CDC20: variants seen among roughly 807,000 people sequenced by gnomAD.
The protein encoded by CDC20 is cell division cycle 20, also known as cell division cycle protein 20 homolog.
A neutral mutation model predicts 60.0 loss-of-function variants in CDC20; 34 were observed. The observed-to-expected ratio is 0.57, with a 90% CI of 0.43 to 0.75. The LOEUF is 0.75. Ranked by LOEUF, CDC20 falls within the 30% of genes least tolerant of loss-of-function variation. CDC20 has a pLI of 0.00. For synonymous variants in CDC20, 198 were observed against 243.5 expected, an observed-to-expected ratio of 0.81 and a Z score of 1.74; for missense variants, 469 against 647.3, an observed-to-expected ratio of 0.72 and a Z score of 2.99.
In CDC20 at chr1:43,360,560, G is replaced by A; in HGVS notation, c.815G>A (p.Gly272Asp). Residue 272 changes from glycine to aspartate, a missense_variant, in exon 7 of 11, where the codon GGC becomes GAC. By Grantham distance (94) the Gly-to-Asp change is moderately conservative. This residue lies in a region of CDC20 where 255 missense variants were observed against 326.7 expected (regional missense o/e 0.78). Coordinates refer to ENST00000310955, the MANE Select transcript of CDC20 (RefSeq NM_001255.3). ...RNMTSHSARV[G>D]SLSWNSYILS... The stretch of plus-strand genomic sequence containing the variant: ...ATGACCAGTCACTCTGCCCGAGTGG[G>A]CTCCCTAAGCTGGAACAGCTATATC... The A allele has an allele frequency of 6.2e-7, 1 of 1,614,066 alleles. No individual in the cohort carries two copies. Among genetic ancestry groups the A allele is most frequent in the Non-Finnish European group, 8.5e-7 (1 of 1,179,906 alleles).
Position 43,359,299 on chromosome 1 carries a change from G to A in CDC20, c.84G>A (p.Trp28Ter). Reference protein sequence around the residue: ...APIPNAPPARWQRKAKEAAGP... With the variant: ...APIPNAPPAR ...TCCCCAATGCACCCCCTGCGCGCTG[G>A]CAGCGCAAAGCCAAGGAAGCCGCAG... Residue 28 changes from tryptophan to a stop codon, truncating the protein, a stop_gained, in exon 2 of 11, where the codon TGG (tryptophan) becomes TGA (stop). Coordinates refer to ENST00000310955, the MANE Select transcript of CDC20 (RefSeq NM_001255.3). LOFTEE classifies it high-confidence loss of function. 6.2e-7 allele frequency: 1 copy of A among 1,612,546 alleles called. No homozygotes were observed. Among genetic ancestry groups the A allele is most frequent in the Non-Finnish European group, 8.5e-7 (1 of 1,179,920 alleles).
rs1286882456 is a variant in CDC20, at chr1:43,359,591, C to G, written c.283C>G (p.Leu95Val). The part of the protein sequence containing the change: ...AAQMEVASFL[L>V]SKENQPENSQ... ...CCAGATGGAGGTGGCCAGCTTCCTC[C>G]TGAGCAAGGAGAACCAGCCTGAAAA... Residue 95 changes from leucine to valine, a missense_variant, in exon 3 of 11, where the codon CTG (leucine) becomes GTG (valine). This residue lies in a region of CDC20 where 115 missense variants were observed against 156.1 expected (regional missense o/e 0.74). Coordinates refer to ENST00000310955, the MANE Select transcript of CDC20 (RefSeq NM_001255.3). 6.2e-7 allele frequency: 1 copy of G among 1,614,036 alleles called. No individual in the cohort carries two copies. Among genetic ancestry groups the G allele is most frequent in the East Asian group, 2.2e-5 (1 of 44,884 alleles).
rs768042619 is a variant in CDC20 at position 43,360,313 on chromosome 1, G to A, written c.677G>A (p.Gly226Glu). 6.2e-7 allele frequency: 1 copy of A among 1,614,178 alleles called. No individual in the cohort carries two copies. The highest frequency in any genetic ancestry group is 8.5e-7 in the Non-Finnish European group (1 of 1,180,018). ...CAGCTTTTGCAAATGGAGCAGCCTG[G>A]GGAATATATATCCTCTGTGGCCTGG... is the stretch of plus-strand genomic sequence containing the variant. Reference protein sequence around the residue: ...ILQLLQMEQPGEYISSVAWIK... With the variant: ...ILQLLQMEQPEEYISSVAWIK... The change falls in exon 6 of 11, where the codon GGG becomes GAG. Residue 226 changes from glycine to glutamate, a missense_variant. By Grantham distance (98) the Gly-to-Glu change is moderately conservative (BLOSUM62 -2). Transcript: ENST00000310955.
chr1:43,362,133 G>A, intron 9 of CDC20, 62 bp from the exon 10 acceptor site: 6 of 943,308 alleles, frequency 6.4e-6, no homozygotes, highest in Non-Finnish European at 1.0e-5. Flanking sequence ...ACTAGAATGG[G>A]CTCAGTTCTG....
Position 43,363,188 on chromosome 1 carries a change from A to C in CDC20, c.*59A>C. 1 of 1,512,988 alleles carries C rather than the reference A, an allele frequency of 6.6e-7. No homozygotes were observed. The highest frequency in any genetic ancestry group is 9.0e-7 in the Non-Finnish European group (1 of 1,105,200). The allele number at this position is 1,512,988 out of a possible 1,614,324, so 93.7% of individuals were successfully genotyped here. A position where few individuals can be genotyped will look rare whatever the true frequency, so the allele number is the denominator to read the frequency against. On this transcript the variant is annotated 3_prime_UTR_variant, in exon 11 of 11. Transcript: ENST00000310955. ...TTCTAATAAAGTCATGTCTCCCTTCATGTTTTTTTTTTAAATCTGTTTCAG... is the reference window on the plus strand; with the variant it reads ...TTCTAATAAAGTCATGTCTCCCTTCCTGTTTTTTTTTTAAATCTGTTTCAG...
intron 6 of CDC20, 48 bp downstream of exon 6, chr1:43,360,437 C>T: frequency 6.2e-7 from 1 of 1,608,016 alleles, no homozygotes; most frequent in Non-Finnish European, 8.5e-7. Flanking sequence ...AATGGGCTTG[C>T]ACAGCTGGAG....
In CDC20 at chr1:43,360,032, C is replaced by T; in HGVS notation, c.491C>T (p.Thr164Ile). The change falls in exon 5 of 11, where the codon ACC becomes ATC. Residue 164 changes from threonine to isoleucine, a missense_variant. By Grantham distance (89) the Thr-to-Ile change is moderately conservative (BLOSUM62 -1). Coordinates refer to ENST00000310955, the MANE Select transcript of CDC20 (RefSeq NM_001255.3). The stretch of plus-strand genomic sequence containing the variant: ...GCCACTCCTGGCTCCAGCCGGAAGA[C>T]CTGCCGTTACATTCCTTCCCTGCCA... ...QKATPGSSRK[T>I]CRYIPSLPDR... The T allele has an allele frequency of 1.9e-6, 3 of 1,614,196 alleles. No homozygotes were observed. The highest frequency in any genetic ancestry group is 1.7e-6 in the Non-Finnish European group (2 of 1,180,008).
At chr1:43,362,088 A>G in intron 9 of CDC20, 107 bp from the exon 10 acceptor site, 1 of 682,184 alleles carries the variant, frequency 1.5e-6, no homozygotes, top group Non-Finnish European at 2.7e-6. Context: ...TGATCATTCA[A>G]CTCTGAGTCT....
chr1:43,362,935 T>TTC lies in CDC20; in HGVS notation c.1322-13_1322-12dup, dbSNP rs769519135. 1 of 1,577,538 alleles carries TTC rather than the reference T, an allele frequency of 6.3e-7. No individual in the cohort carries two copies. Among genetic ancestry groups the TTC allele is most frequent in the Non-Finnish European group, 8.6e-7 (1 of 1,164,724 alleles). Reference sequence around the variant, plus strand: ...GCTGCATCAGCATTCGTATGTACTGTTCTCATTTGCTCCAGGTCACACATC... The same window carrying TTC: ...GCTGCATCAGCATTCGTATGTACTGTTCTCTCATTTGCTCCAGGTCACACATC... On this transcript the variant is annotated splice_polypyrimidine_tract_variant and intron_variant, in intron 10 of 10. Coordinates refer to ENST00000310955, the MANE Select transcript of CDC20 (RefSeq NM_001255.3).
chr1:43,359,901 CCTAT>C, intron 4 of CDC20, 64 bp from the exon 5 acceptor site: 1 of 1,610,284 alleles, frequency 6.2e-7, no homozygotes, highest in Admixed American at 1.7e-5. Context: ...GTCTCCTCTT[CCTAT>C]CTAAGATTGA....
rs761850704 is a variant in CDC20, at chr1:43,359,288, C to G, written c.73C>G (p.Pro25Ala). Reference sequence around the variant, plus strand: ...GGATGCACCCATCCCCAATGCACCCCCTGCGCGCTGGCAGCGCAAAGCCAA... The same window carrying G: ...GGATGCACCCATCCCCAATGCACCCGCTGCGCGCTGGCAGCGCAAAGCCAA... ...QLDAPIPNAP[P>A]ARWQRKAKEA... Residue 25 changes from proline to alanine, a missense_variant, in exon 2 of 11, where the codon CCT (proline) becomes GCT (alanine). By Grantham distance (27) the Pro-to-Ala change is conservative. Coordinates refer to ENST00000310955, the MANE Select transcript of CDC20 (RefSeq NM_001255.3). 1 of 1,612,536 alleles carries G rather than the reference C, an allele frequency of 6.2e-7. No individual in the cohort carries two copies. The highest frequency in any genetic ancestry group is 1.1e-5 in the South Asian group (1 of 91,050).
rs1043286268 is a variant in CDC20, at chr1:43,360,027, G to A, written c.486G>A (p.Arg162=). Residue 162 remains arginine (R), a synonymous_variant, in exon 5 of 11, where the codon CGG becomes CGA. Coordinates refer to ENST00000310955, the MANE Select transcript of CDC20 (RefSeq NM_001255.3). ...AAAAGGCCACTCCTGGCTCCAGCCG[G>A]AAGACCTGCCGTTACATTCCTTCCC... ...YSQKATPGSS[R]KTCRYIPSLP... 3 of 1,614,062 alleles carry A rather than the reference G, an allele frequency of 1.9e-6. No homozygotes were observed. The African/African-American group carries it at 4.0e-5, about 22-fold the overall frequency.
rs1294282700 is a variant in CDC20 at position 43,359,254 on chromosome 1, GC to G, written c.40del (p.Leu14PhefsTer82). On this transcript the variant is annotated frameshift_variant, in exon 2 of 11. Coordinates refer to ENST00000310955, the MANE Select transcript of CDC20 (RefSeq NM_001255.3). LOFTEE classifies it high-confidence loss of function. ...FAFESDLHSLLQLDAPIPNAP... is the reference protein window; with the variant it reads ...FAFESDLHSLXQLDAPIPNAP... Reference sequence around the variant, plus strand: ...CGTTCGAGAGTGACCTGCACTCGCTGCTTCAGCTGGATGCACCCATCCCCAA... The same window carrying G: ...CGTTCGAGAGTGACCTGCACTCGCTGTTCAGCTGGATGCACCCATCCCCAA... 6.2e-7 allele frequency: 1 copy of G among 1,611,676 alleles called. No homozygotes were observed. The highest frequency in any genetic ancestry group is 8.5e-7 in the Non-Finnish European group (1 of 1,179,940).
intron 2 of CDC20, 37 bp downstream of exon 2, chr1:43,359,433 C>T (rs766741627): frequency 1.9e-6 from 3 of 1,613,080 alleles, no homozygotes; most frequent in East Asian, 2.2e-5. Flanking sequence ...TGAGAGCAGC[C>T]TTCATACTTT....
intron 4 of CDC20, 70 bp from the exon 5 acceptor site, chr1:43,359,899 T>G: frequency 1.9e-6 from 3 of 1,610,280 alleles, no homozygotes; most frequent in Non-Finnish European, 2.5e-6. Flanking sequence ...CTGTCTCCTC[T>G]TCCTATCTAA....
At position 43,359,250 on chromosome 1, in the gene CDC20, C is replaced by T; in HGVS notation, c.35C>T (p.Ser12Leu). Residue 12 changes from serine to leucine, a missense_variant, in exon 2 of 11, where the codon TCG (serine) becomes TTG (leucine). Coordinates refer to ENST00000310955, the MANE Select transcript of CDC20 (RefSeq NM_001255.3). ...TTCGCGTTCGAGAGTGACCTGCACT[C>T]GCTGCTTCAGCTGGATGCACCCATC... is the stretch of plus-strand genomic sequence containing the variant. Reference protein sequence around the residue: ...AQFAFESDLHSLLQLDAPIPN... With the variant: ...AQFAFESDLHLLLQLDAPIPN... 5 of 1,611,772 alleles carry T rather than the reference C, an allele frequency of 3.1e-6. No individual in the cohort carries two copies. Among genetic ancestry groups the T allele is most frequent in the Non-Finnish European group, 4.2e-6 (5 of 1,179,928 alleles).
rs1022835451 is a variant in CDC20, at chr1:43,361,057, T to G, written c.1078-63T>G. On this transcript the variant is annotated intron_variant, in intron 8 of 10. Coordinates refer to ENST00000310955, the MANE Select transcript of CDC20 (RefSeq NM_001255.3). ...ATGGTAGGATTGGACTGGGTTAATC[T>G]GTGACCCCTAGAGCTCCTTGTCTGG... 16 of 1,609,858 alleles carry G rather than the reference T, an allele frequency of 9.9e-6. No homozygotes were observed. The East Asian group carries it at 3.6e-4, about 36-fold the overall frequency.
Position 43,360,500 on chromosome 1 carries a change from T to C in CDC20, c.755T>C (p.Leu252Pro). The C allele has an allele frequency of 6.2e-7, 1 of 1,613,586 alleles. No individual in the cohort carries two copies. Among genetic ancestry groups the C allele is most frequent in the East Asian group, 2.2e-5 (1 of 44,886 alleles). The change falls in exon 7 of 11, where the codon CTA becomes CCA. Residue 252 changes from leucine (L) to proline (P), a missense_variant and splice_region_variant. Physicochemically the swap from Leu to Pro is moderately conservative, Grantham distance 98. Transcript: ENST00000310955. Reference sequence around the variant, plus strand: ...ATCCTAGTGGGCTTCTCTCTCTAGCTATGGGATGTGCAGCAGCAGAAACGG... The same window carrying C: ...ATCCTAGTGGGCTTCTCTCTCTAGCCATGGGATGTGCAGCAGCAGAAACGG... ...AVGTSSAEVQ[L>P]WDVQQQKRLR...
At position 43,360,086 on chromosome 1, in the gene CDC20, G is replaced by A. The variant is rs752085108; in HGVS notation, c.545G>A (p.Arg182Gln). ...CGTATCCTGGATGCGCCTGAAATCC[G>A]AAATGACTATTGTAAGTGCATCCTT... is the stretch of plus-strand genomic sequence containing the variant. The part of the protein sequence containing the change: ...PDRILDAPEI[R>Q]NDYYLNLVDW... Residue 182 changes from arginine to glutamine, a missense_variant, in exon 5 of 11, where the codon CGA (arginine) becomes CAA (glutamine). Physicochemically the swap from Arg to Gln is conservative, Grantham distance 43. Around this residue, in one of 5 missense-constraint regions of CDC20, gnomAD observed 255 missense variants for 326.7 expected, o/e 0.78. Transcript: ENST00000310955. The A allele has an allele frequency of 4.3e-6, 7 of 1,614,100 alleles. No individual in the cohort carries two copies. The South Asian group carries it at 4.4e-5, about 10-fold the overall frequency.
Sources: gnomAD v4.1 joint callset for allele counts on GRCh38, gnomAD v4.1.1 for gene constraint, gnomAD v4.1.1 regional missense constraint, MANE v1.5 for transcripts, NCBI Gene and HGNC (gene_info 2026-07-23, HGNC 2026-07-21) for gene names.